Variants in CTNNA2 observed in about 807,000 individuals in gnomAD.
CTNNA2 encodes the protein catenin alpha 2.
In CTNNA2, 42 loss-of-function variants were observed where a neutral mutation model predicts 101.0. The ratio of observed to expected loss-of-function variants is 0.42; its 90% CI spans 0.32 to 0.54. The LOEUF (loss-of-function observed/expected upper bound fraction) is 0.54, where lower values mean the gene tolerates loss of function less well. CTNNA2 is among the 20% of genes least tolerant of loss of function. The pLI is 0.14. For missense variants in CTNNA2, 871 were observed against 1,223.1 expected, an observed-to-expected ratio of 0.71 and a Z score of 4.29; for synonymous variants, 450 against 456.4, an observed-to-expected ratio of 0.99 and a Z score of 0.18.
Position 80,037,542 on chromosome 2 carries a change from G to T in CTNNA2, c.1056+127745G>T, listed in dbSNP as rs1482201585. Among the ~76,000 whole-genome samples the T allele has an allele frequency of 3.3e-5, 5 of 152,170 alleles. No individual in the cohort carries two copies. In the East Asian group the frequency reaches 9.6e-4, roughly 29 times the overall value. ...TTGATAATGTGACACAGAACTCTGGGTAATGCCTAGTCTGTGACTGTGTGG... is the reference window on the plus strand; with the variant it reads ...TTGATAATGTGACACAGAACTCTGGTTAATGCCTAGTCTGTGACTGTGTGG... On this transcript the variant is annotated intron_variant, in intron 7 of 18. Coordinates refer to ENST00000402739, the MANE Select transcript of CTNNA2 (RefSeq NM_001282597.3).
At chr2:80,553,672 T>G (rs1300806600) in intron 11 of CTNNA2, among the ~76,000 whole-genome samples, 1 of 152,178 alleles carries the variant, frequency 6.6e-6, no homozygotes, top group Admixed American at 6.5e-5. Flanking sequence ...ACAAAGAAAA[T>G]AGCAGCCGGA....
At chr2:80,350,693 T>C (rs1242698517) in intron 7 of CTNNA2, among the ~76,000 whole-genome samples, 1 of 152,202 alleles carries the variant, frequency 6.6e-6, no homozygotes, top group Non-Finnish European at 1.5e-5. Flanking sequence ...GTAAAGCACT[T>C]GGAGCCAATT....
At chr2:79,538,838 C>G (rs1673231116) in intron 1 of CTNNA2, among the ~76,000 whole-genome samples, 1 of 152,126 alleles carries the variant, frequency 6.6e-6, no homozygotes, top group Non-Finnish European at 1.5e-5. Context: ...ATGTCTGAAG[C>G]ATGACATGAT....
intron 1 of CTNNA2, among the ~76,000 whole-genome samples, chr2:79,648,585 G>C (rs970829160): frequency 2.2e-4 from 33 of 152,146 alleles, no homozygotes; most frequent in Admixed American, 8.5e-4. Context: ...GATGATACCA[G>C]CTGAGGTATC....
intron 1 of CTNNA2, among the ~76,000 whole-genome samples, chr2:79,639,987 C>T (rs765730708): frequency 1.3e-5 from 2 of 151,094 alleles, no homozygotes; most frequent in South Asian, 2.1e-4. Flanking sequence ...GAAACTTGAA[C>T]GTGGCAAAGA....
At chr2:80,617,124 G>T (rs1405240778) in intron 17 of CTNNA2, among the ~76,000 whole-genome samples, 8 of 151,710 alleles carry the variant, frequency 5.3e-5, no homozygotes, top group Non-Finnish European at 1.0e-4. Flanking sequence ...TTTATTGGAA[G>T]AATGGACAAT....
intron 1 of CTNNA2, among the ~76,000 whole-genome samples, chr2:79,579,212 C>T (rs1002929403): frequency 3.4e-5 from 5 of 146,750 alleles, no homozygotes; most frequent in African/African-American, 1.0e-4. Context: ...TCCTCCTTCC[C>T]TCCCTCCCTC....
rs557104364 is a variant in CTNNA2, at chr2:80,060,505, A to AACCCCAAG, written c.1056+150715_1056+150722dup. Among the ~76,000 whole-genome samples, 399 of 152,138 alleles carry AACCCCAAG rather than the reference A, an allele frequency of 2.6e-3. 2 individuals carry two copies. Among genetic ancestry groups the AACCCCAAG allele is most frequent in the Non-Finnish European group, 3.7e-3 (252 of 68,004 alleles). On this transcript the variant is annotated intron_variant, in intron 7 of 18. Transcript: ENST00000402739. The stretch of plus-strand genomic sequence containing the variant: ...AATATCTCCTATTTCTTACCATATA[A>AACCCCAAG]ACCCCAAGACCCCATGACCTGGCTC...
At position 80,071,425 on chromosome 2, in the gene CTNNA2, T is replaced by C. The variant is rs149981909; in HGVS notation, c.1056+161628T>C. ...TTTGAAATGTAGATTTGGTTACCCA[T>C]TCAGAAATTGCCATCTCACATGTTT... is the stretch of plus-strand genomic sequence containing the variant. On this transcript the variant is annotated intron_variant, in intron 7 of 18. Transcript: ENST00000402739. 2.8e-3 allele frequency among the ~76,000 whole-genome samples: 431 copies of C among 152,348 alleles called. 2 individuals carry two copies. The highest frequency in any genetic ancestry group is 9.9e-3 in the African/African-American group (410 of 41,580).
intron 3 of CTNNA2, among the ~76,000 whole-genome samples, chr2:79,755,996 T>G (rs375680763): frequency 5.9e-5 from 9 of 152,316 alleles, no homozygotes; most frequent in African/African-American, 2.2e-4. Context: ...TTGCAATAGG[T>G]TCATCTGTTG....
At chr2:79,933,821 G>C (rs886173883) in intron 7 of CTNNA2, among the ~76,000 whole-genome samples, 13 of 152,134 alleles carry the variant, frequency 8.5e-5, no homozygotes, top group African/African-American at 3.1e-4. Context: ...AAATGTTTCT[G>C]TGCTTCATTT....
chr2:80,116,207 A>G (rs1235860467), intron 7 of CTNNA2, among the ~76,000 whole-genome samples: 1 of 152,064 alleles, frequency 6.6e-6, no homozygotes, highest in African/African-American at 2.4e-5. Flanking sequence ...GTGTTCCAAT[A>G]AAACTTAAGT....
At position 79,312,096 on chromosome 2, in the gene CTNNA2, G is replaced by T. The variant is rs1285804932; in HGVS notation, c.-405-613G>T. On this transcript the variant is annotated intron_variant, in intron 2 of 21. Transcript: ENST00000466387. ...TAAAAAAAAAAAAATTGTAGAGACA[G>T]GGTCTTGTCACCATGTTGCCCAGGC... 2.0e-5 allele frequency among the ~76,000 whole-genome samples: 3 copies of T among 151,920 alleles called. No homozygotes were observed. In the East Asian group the frequency reaches 5.8e-4, roughly 29 times the overall value.
intron 3 of CTNNA2, among the ~76,000 whole-genome samples, chr2:79,343,718 C>T (rs1452885061): frequency 1.1e-4 from 10 of 94,200 alleles, no homozygotes; most frequent in Admixed American, 8.9e-4. Context: ...CCTGAAGACA[C>T]GGACGATTAT....
rs999079821 is a variant in CTNNA2, at chr2:80,042,871, T to G, written c.1056+133074T>G. 4.6e-5 allele frequency among the ~76,000 whole-genome samples: 7 copies of G among 152,182 alleles called. No homozygotes were observed. The East Asian group carries it at 1.2e-3, about 25-fold the overall frequency. On this transcript the variant is annotated intron_variant, in intron 7 of 18. Coordinates refer to ENST00000402739, the MANE Select transcript of CTNNA2 (RefSeq NM_001282597.3). ...GGGAATGTGAAATGCCTTACAGCCTTGGGTAAATTAGGGTCAGTTTGAGAC... is the reference window on the plus strand; with the variant it reads ...GGGAATGTGAAATGCCTTACAGCCTGGGGTAAATTAGGGTCAGTTTGAGAC...
intron 2 of CTNNA2, among the ~76,000 whole-genome samples, chr2:79,270,034 CTG>C (rs1415203331): frequency 6.6e-6 from 1 of 152,090 alleles, no homozygotes; most frequent in Non-Finnish European, 1.5e-5. Context: ...CACTTATTGT[CTG>C]TGATTTTTCT....
intron 3 of CTNNA2, among the ~76,000 whole-genome samples, chr2:79,332,059 A>G (rs1291835141): frequency 6.6e-6 from 1 of 152,156 alleles, no homozygotes; most frequent in East Asian, 1.9e-4. Context: ...TGGCAAAATT[A>G]GTACTTAACA....
intron 4 of CTNNA2, among the ~76,000 whole-genome samples, chr2:79,487,414 G>A (rs1671168717): frequency 6.6e-6 from 1 of 152,206 alleles, no homozygotes; most frequent in Admixed American, 6.5e-5. Context: ...CTAAGTGGCT[G>A]GCTTGGTCAA....
At chr2:79,445,540 G>A (rs765470066) in intron 4 of CTNNA2, among the ~76,000 whole-genome samples, 17 of 152,158 alleles carry the variant, frequency 1.1e-4, no homozygotes, top group Non-Finnish European at 1.8e-4. Context: ...GGCTTCTTTC[G>A]GATGTTATGC....
Sources: gnomAD v4.1 joint callset for allele counts (sites outside exome capture counted in the v4.1 genomes callset) on GRCh38, gnomAD v4.1.1 for gene constraint, MANE v1.5 for transcripts, NCBI Gene and HGNC (gene_info 2026-07-23, HGNC 2026-07-21) for gene names.